Variants in KCNIP1 observed in about 807,000 individuals in gnomAD.
KCNIP1 encodes A-type potassium channel modulatory protein KCNIP1.
KCNIP1 carries 18 observed loss-of-function variants against 33.0 expected under a neutral mutation model. The ratio of observed to expected loss-of-function variants is 0.55; its 90% CI spans 0.38 to 0.81. The LOEUF is 0.81. Among genes scored for constraint, KCNIP1 ranks in the 30% least tolerant of loss-of-function variants. The pLI is 0.00. For missense variants in KCNIP1, 238 were observed against 271.6 expected (o/e 0.88, Z 0.87); for synonymous variants, 93 against 98.3 (o/e 0.95, Z 0.32).
chr5:170,635,122 C>T (rs941921548), intron 1 of KCNIP1, among the ~76,000 whole-genome samples: 19 of 152,306 alleles, frequency 1.2e-4, no homozygotes, highest in African/African-American at 3.4e-4. Context: ...CTCCGCCTTC[C>T]GGGCTAAGGC....
At chr5:170,503,210 C>T (rs1011727163), upstream of KCNIP1, among the ~76,000 whole-genome samples, 6 of 151,870 alleles carry the variant, frequency 4.0e-5, no homozygotes, top group East Asian at 9.7e-4. Context: ...CCCAACATGG[C>T]GAAACCCCGT....
intron 1 of KCNIP1, among the ~76,000 whole-genome samples, chr5:170,457,101 A>G (rs1373467717): frequency 2.0e-5 from 3 of 152,234 alleles, no homozygotes; most frequent in Non-Finnish European, 4.4e-5. Flanking sequence ...AAAGAATGAG[A>G]GAACATTACT....
intron 1 of KCNIP1, among the ~76,000 whole-genome samples, chr5:170,361,279 A>G (rs1404112127): frequency 6.6e-6 from 1 of 152,222 alleles, no homozygotes; most frequent in African/African-American, 2.4e-5. Flanking sequence ...AGGAAATTGC[A>G]TAGGCCTCCC....
chr5:170,716,851 AC>A (rs1763660286), intron 1 of KCNIP1, among the ~76,000 whole-genome samples: 1 of 151,950 alleles, frequency 6.6e-6, no homozygotes, highest in South Asian at 2.1e-4. Flanking sequence ...ACTGCAAAAA[AC>A]CCTTCATGCT....
At chr5:170,445,827 G>A (rs940222359) in intron 1 of KCNIP1, among the ~76,000 whole-genome samples, 1 of 152,206 alleles carries the variant, frequency 6.6e-6, no homozygotes, top group African/African-American at 2.4e-5. Context: ...TAAAGAAGGT[G>A]AAAGGGCTGC....
At chr5:170,644,502 C>T (rs1427348048) in intron 1 of KCNIP1, among the ~76,000 whole-genome samples, 1 of 152,234 alleles carries the variant, frequency 6.6e-6, no homozygotes, top group African/African-American at 2.4e-5. Context: ...GCACCTGCAT[C>T]TCACTCCAAC....
At chr5:170,379,681 G>C (rs898604526) in intron 1 of KCNIP1, among the ~76,000 whole-genome samples, 1 of 152,170 alleles carries the variant, frequency 6.6e-6, no homozygotes, top group African/African-American at 2.4e-5. Context: ...TTAGAAACCA[G>C]ATCACACCTG....
At chr5:170,451,724 TG>T (rs1756256796) in intron 1 of KCNIP1, among the ~76,000 whole-genome samples, 8 of 17,396 alleles carry the variant, frequency 4.6e-4, no homozygotes, top group Non-Finnish European at 1.1e-3. Context: ...TCTCCTGCAT[TG>T]TGTGTGTGTG....
At chr5:170,593,116 G>A (rs951169906) in intron 1 of KCNIP1, among the ~76,000 whole-genome samples, 7 of 152,208 alleles carry the variant, frequency 4.6e-5, no homozygotes, top group African/African-American at 1.4e-4. Context: ...ACTTAATTTC[G>A]ACTCTCTATG....
At chr5:170,730,420 G>A (rs1429398192) in intron 5 of KCNIP1, among the ~76,000 whole-genome samples, 1 of 152,138 alleles carries the variant, frequency 6.6e-6, no homozygotes, top group Non-Finnish European at 1.5e-5. Flanking sequence ...TGGATAAGTA[G>A]CTTCTCAGAA....
chr5:170,615,552 C>T (rs1759333749), intron 1 of KCNIP1, among the ~76,000 whole-genome samples: 1 of 152,132 alleles, frequency 6.6e-6, no homozygotes, highest in African/African-American at 2.4e-5. Flanking sequence ...CCCGATCTTG[C>T]TAGTTCCTTG....
At chr5:170,692,428 T>C (rs1235075157) in intron 1 of KCNIP1, among the ~76,000 whole-genome samples, 2 of 152,170 alleles carry the variant, frequency 1.3e-5, no homozygotes, top group African/African-American at 2.4e-5. Context: ...ATAGCTTCCA[T>C]CTCTCTGATA....
At chr5:170,712,735 G>T (rs1020415738) in intron 1 of KCNIP1, 22 of 910,910 alleles carry the variant, frequency 2.4e-5, no homozygotes, top group Non-Finnish European at 3.0e-5. Context: ...GAGGCTCTTC[G>T]CATATGTCAA....
intron 1 of KCNIP1, among the ~76,000 whole-genome samples, chr5:170,386,119 C>T (rs314114): frequency 0.092 from 13,445 of 146,632 alleles, 752 homozygotes; most frequent in East Asian, 0.2. Flanking sequence ...AGCAAGACTC[C>T]GTCAAAAAAA....
intron 1 of KCNIP1, among the ~76,000 whole-genome samples, chr5:170,670,914 T>G (rs10053889): frequency 1.4e-5 from 2 of 145,828 alleles, no homozygotes; most frequent in African/African-American, 2.5e-5. Context: ...AAAAAAAAAA[T>G]AAAAAAAAAA....
At chr5:170,524,992 C>T (rs561366742) in intron 1 of KCNIP1, among the ~76,000 whole-genome samples, 59 of 152,278 alleles carry the variant, frequency 3.9e-4, no homozygotes, top group African/African-American at 1.3e-3. Context: ...CAGGGTAAAC[C>T]GATGAGAGGA....
chr5:170,383,817 A>C (rs186269343), intron 1 of KCNIP1: 2 of 1,613,964 alleles, frequency 1.2e-6, no homozygotes, highest in Non-Finnish European at 1.7e-6. Context: ...TGTTGGTCTC[A>C]ATCAGGTGGC....
At chr5:170,604,559 G>A (rs1209506469) in intron 1 of KCNIP1, among the ~76,000 whole-genome samples, 1 of 152,150 alleles carries the variant, frequency 6.6e-6, no homozygotes, top group Admixed American at 6.5e-5. Context: ...GAATGGCGAG[G>A]CTTTGTATGC....
intron 1 of KCNIP1, among the ~76,000 whole-genome samples, chr5:170,448,572 C>T (rs993530690): frequency 1.3e-5 from 2 of 152,194 alleles, no homozygotes; most frequent in Non-Finnish European, 2.9e-5. Context: ...GGAATACTGA[C>T]CACCAAAAGG....
Sources: allele counts gnomAD v4.1 joint callset (sites outside exome capture counted in the v4.1 genomes callset), GRCh38; gene constraint gnomAD v4.1.1; transcripts MANE v1.5; gene names NCBI Gene and HGNC (gene_info 2026-07-23, HGNC 2026-07-21).